The following PLLP variants were observed in gnomAD, a reference collection of about 807,000 sequenced individuals.
PLLP encodes the protein plasma membrane proteolipid (plasmolipin).
A neutral mutation model predicts 19.7 loss-of-function variants in PLLP; 15 were observed. The observed-to-expected ratio is 0.76, with a 90% confidence interval of 0.51 to 1.17. PLLP has a LOEUF of 1.17. PLLP is among the 50% of genes most tolerant of loss of function. The probability of loss-of-function intolerance (pLI) is 0.00; values close to 1 mark genes in which losing one functional copy is unlikely to be tolerated. For synonymous variants in PLLP, 111 were observed against 116.3 expected, an observed-to-expected ratio of 0.95 and a Z score of 0.29; for missense variants, 255 against 258.3, an observed-to-expected ratio of 0.99 and a Z score of 0.09.
intron 1 of PLLP, among the ~76,000 whole-genome samples, chr16:57,278,297 G>A (rs1041860168): frequency 2.8e-4 from 43 of 152,276 alleles, no homozygotes; most frequent in African/African-American, 8.7e-4. Flanking sequence ...CTGAGATTAC[G>A]CCGCTGCACT....
chr16:57,273,899 G>A (rs1263654104), intron 1 of PLLP, among the ~76,000 whole-genome samples: 1 of 152,236 alleles, frequency 6.6e-6, no homozygotes, highest in African/African-American at 2.4e-5. Context: ...TCCCTGCTGT[G>A]TGATCCTGGG....
intron 1 of PLLP, among the ~76,000 whole-genome samples, chr16:57,270,788 T>A (rs2075472371): frequency 1.3e-5 from 2 of 151,984 alleles, no homozygotes; most frequent in African/African-American, 4.8e-5. Context: ...TCATCCCCGC[T>A]CTCCAGGAAG....
chr16:57,272,018 C>T (rs2075477439), intron 1 of PLLP, among the ~76,000 whole-genome samples: 1 of 152,182 alleles, frequency 6.6e-6, no homozygotes, highest in Non-Finnish European at 1.5e-5. Context: ...GAAGGCCTTA[C>T]CCTCCTTGTG....
intron 1 of PLLP, among the ~76,000 whole-genome samples, chr16:57,275,042 G>A (rs1901132397): frequency 1.3e-5 from 2 of 151,938 alleles, no homozygotes; most frequent in Non-Finnish European, 2.9e-5. Flanking sequence ...TTTCAGGCGT[G>A]AGCCACCACG....
chr16:57,262,646 G>T lies in PLLP; in HGVS notation c.136-576C>A, dbSNP rs151208003. On this transcript the variant is annotated intron_variant, in intron 1 of 3. Coordinates refer to ENST00000219207, the MANE Select transcript of PLLP (RefSeq NM_015993.3). ...GCTACTCATGAGGCTGAAGCAGGAG[G>T]ATCACATGGGCCCAGGAGTTAAAAG... Among the ~76,000 whole-genome samples, 713 of 152,212 alleles carry T rather than the reference G, an allele frequency of 4.7e-3. 7 individuals are homozygous for T. Among genetic ancestry groups the T allele is most frequent in the African/African-American group, 0.016 (661 of 41,514 alleles).
At position 57,284,387 on chromosome 16, in the gene PLLP, G is replaced by A. The variant is rs754029869; in HGVS notation, c.135+19C>T. 92 of 1,370,608 alleles carry A rather than the reference G, an allele frequency of 6.7e-5. No individual in the cohort carries two copies. The highest frequency in any genetic ancestry group is 8.2e-5 in the Non-Finnish European group (87 of 1,059,880). 84.9% of individuals were successfully genotyped at this position (1,370,608 alleles called of 1,614,324 possible). ...CCGGGAGCCCCCGGCCAACCCCGTG[G>A]GCCCGCGCGTGCTCTCACCAGCTGC... On this transcript the variant is annotated intron_variant, in intron 1 of 3. Coordinates refer to ENST00000219207, the MANE Select transcript of PLLP (RefSeq NM_015993.3).
In PLLP at chr16:57,256,961, T is replaced by C; in HGVS notation, c.501A>G (p.Gly167=). Residue 167 remains glycine, a synonymous_variant, in exon 4 of 4, where the codon GGA becomes GGG. Transcript: ENST00000219207. ...GACTGGTGGCCGCATTGCTGCCTAC[T>C]CCTCGCCAGGCCTGGTAGCTGAAGA... is the stretch of plus-strand genomic sequence containing the variant. ...SAFFSYQAWR[G]VGSNAATSQM... is the part of the protein sequence containing the mutation. 2 of 1,613,940 alleles carry C rather than the reference T, an allele frequency of 1.2e-6. No individual in the cohort carries two copies. Among genetic ancestry groups the C allele is most frequent in the Middle Eastern group, 3.3e-4 (2 of 6,062 alleles).
At chr16:57,270,463 G>A (rs905690634) in intron 1 of PLLP, among the ~76,000 whole-genome samples, 27 of 150,916 alleles carry the variant, frequency 1.8e-4, no homozygotes, top group African/African-American at 6.1e-4. Context: ...GGAAAACCAC[G>A]CCCAGCATGG....
At position 57,284,646 on chromosome 16, in the gene PLLP, G is replaced by A. The variant is rs1597968125; in HGVS notation, c.-106C>T. Reference sequence around the variant, plus strand: ...TTTCCCCCAGGCTCCGGATCCCTGTGTGGCTCCAGGCGCTGCAGGAGGCGT... The same window carrying A: ...TTTCCCCCAGGCTCCGGATCCCTGTATGGCTCCAGGCGCTGCAGGAGGCGT... On this transcript the variant is annotated 5_prime_UTR_variant, in exon 1 of 4. Transcript: ENST00000219207. 8.9e-7 allele frequency: 1 copy of A among 1,120,324 alleles called. No individual in the cohort carries two copies. Among genetic ancestry groups the A allele is most frequent in the Non-Finnish European group, 1.1e-6 (1 of 877,570 alleles). 69.4% of individuals were successfully genotyped at this position (1,120,324 alleles called of 1,614,324 possible). A position where few individuals can be genotyped will look rare whatever the true frequency, so the allele number is the denominator to read the frequency against.
intron 2 of PLLP, among the ~76,000 whole-genome samples, chr16:57,260,931 G>T: frequency 6.6e-6 from 1 of 152,216 alleles, no homozygotes; most frequent in African/African-American, 2.4e-5. Context: ...GCCTACCTGG[G>T]CCAAGCTACA....
At chr16:57,273,637 G>A (rs1452907309) in intron 1 of PLLP, among the ~76,000 whole-genome samples, 2 of 152,220 alleles carry the variant, frequency 1.3e-5, no homozygotes, top group Admixed American at 6.5e-5. Context: ...ATGGAGACCT[G>A]GGCAAACAAC....
chr16:57,276,341 C>T (rs1338491225), intron 1 of PLLP, among the ~76,000 whole-genome samples: 1 of 152,208 alleles, frequency 6.6e-6, no homozygotes, highest in Non-Finnish European at 1.5e-5. Flanking sequence ...CCTATAATCC[C>T]AGCACTTTGG....
In PLLP at chr16:57,266,183, C is replaced by T. The variant is rs544069026; in HGVS notation, c.136-4113G>A. ...CTGGGCTGGGCACCCAGGCTCCCCC[C>T]ACTGCCCGCCGCCATCCCTGCCCCG... is the stretch of plus-strand genomic sequence containing the variant. On this transcript the variant is annotated intron_variant, in intron 1 of 3. Transcript: ENST00000219207. 1.7e-4 allele frequency among the ~76,000 whole-genome samples: 26 copies of T among 152,290 alleles called. No homozygotes were observed. The South Asian group carries it at 5.2e-3, about 30-fold the overall frequency.
At position 57,282,388 on chromosome 16, in the gene PLLP, G is replaced by T. The variant is rs564861129; in HGVS notation, c.135+2018C>A. Among the ~76,000 whole-genome samples, 16 of 151,708 alleles carry T rather than the reference G, an allele frequency of 1.1e-4. No individual in the cohort carries two copies. In the South Asian group the frequency reaches 3.3e-3, roughly 32 times the overall value. ...CTCCCAAGTAGCTGAGACCACAGGC[G>T]CATACCACCATGCCTGGCTATTTTT... On this transcript the variant is annotated intron_variant, in intron 1 of 3. Coordinates refer to ENST00000219207, the MANE Select transcript of PLLP (RefSeq NM_015993.3).
intron 1 of PLLP, among the ~76,000 whole-genome samples, chr16:57,281,444 C>T (rs1280964746): frequency 1.3e-5 from 2 of 152,118 alleles, no homozygotes; most frequent in East Asian, 3.9e-4. Flanking sequence ...ATTTCAGACC[C>T]AGTGGAACTA....
At chr16:57,272,430 C>T (rs750418759) in intron 1 of PLLP, among the ~76,000 whole-genome samples, 11 of 152,222 alleles carry the variant, frequency 7.2e-5, no homozygotes, top group Non-Finnish European at 1.0e-4. Flanking sequence ...ACCCCAAGGC[C>T]ACCTCATCCT....
At position 57,256,717 on chromosome 16, in the gene PLLP, CAAGCCGA is replaced by C. The variant is rs1168949111; in HGVS notation, c.*189_*195del. 1 of 563,452 alleles carries C rather than the reference CAAGCCGA, an allele frequency of 1.8e-6. No homozygotes were observed. The highest frequency in any genetic ancestry group is 1.9e-5 in the African/African-American group (1 of 53,060). 34.9% of individuals were successfully genotyped at this position (563,452 alleles called of 1,614,324 possible). ...AGAGGTCTCAGCAGTTGGCCTCCTG[CAAGCCGA>C]GATGCCTGCCAGCCTGGGCCTGCTT... On this transcript the variant is annotated 3_prime_UTR_variant, in exon 4 of 4. Coordinates refer to ENST00000219207, the MANE Select transcript of PLLP (RefSeq NM_015993.3).
At position 57,263,688 on chromosome 16, in the gene PLLP, G is replaced by A. The variant is rs201727702; in HGVS notation, c.136-1618C>T. ...TCGTGGAGGCCCCCAGAGGCACCTC[G>A]GATGTGGCCATCCTGGGCCTCCCCA... On this transcript the variant is annotated intron_variant, in intron 1 of 3. Coordinates refer to ENST00000219207, the MANE Select transcript of PLLP (RefSeq NM_015993.3). Among the ~76,000 whole-genome samples the A allele has an allele frequency of 1.7e-4, 16 of 94,594 alleles. No homozygotes were observed. In the East Asian group the frequency reaches 4.0e-3, roughly 24 times the overall value. 62.1% of individuals were successfully genotyped at this position (94,594 alleles called of 152,430 possible). A position where few individuals can be genotyped will look rare whatever the true frequency, so the allele number is the denominator to read the frequency against.
chr16:57,257,104 G>C, intron 3 of PLLP, 75 bp from the exon 4 acceptor site: 2 of 1,038,642 alleles, frequency 1.9e-6, no homozygotes, highest in Admixed American at 3.5e-5. Context: ...TCTCAGGCCA[G>C]GCAGGAGGGG....
Sources: allele counts gnomAD v4.1 joint callset (sites outside exome capture counted in the v4.1 genomes callset), GRCh38; gene constraint gnomAD v4.1.1; transcripts MANE v1.5; gene names NCBI Gene and HGNC (gene_info 2026-07-23, HGNC 2026-07-21).